The following FOXN3 variants were observed in gnomAD, a reference collection of about 807,000 sequenced individuals.
FOXN3 encodes forkhead box protein N3.
Under a neutral mutation model 38.4 loss-of-function variants are expected in FOXN3, and 7 were observed. That is an observed-to-expected ratio of 0.18 (90% CI 0.10 to 0.34). FOXN3 has a LOEUF of 0.34. Ranked by LOEUF, FOXN3 falls within the 10% of genes least tolerant of loss-of-function variation. The pLI is 1.00. For missense variants in FOXN3, 456 were observed against 613.4 expected (o/e 0.74, Z 2.71); for synonymous variants, 230 against 242.2 (o/e 0.95, Z 0.47).
At chr14:89,218,940 C>G (rs925086561) in intron 4 of FOXN3, among the ~76,000 whole-genome samples, 2 of 152,234 alleles carry the variant, frequency 1.3e-5, no homozygotes, top group Admixed American at 6.5e-5. Flanking sequence ...CCCGCTAAGA[C>G]TTTCCCTAAC....
intron 5 of FOXN3, among the ~76,000 whole-genome samples, chr14:89,177,537 A>G (rs1383151805): frequency 6.6e-6 from 1 of 150,932 alleles, no homozygotes; most frequent in Non-Finnish European, 1.5e-5. Flanking sequence ...CTGTTTCCCA[A>G]ACTGGGGCTG....
chr14:89,419,061 G>C, upstream of FOXN3: 1 of 448,970 alleles, frequency 2.2e-6, no homozygotes, highest in Non-Finnish European at 4.5e-6. Flanking sequence ...AAGAGGGGAT[G>C]TGAGCCAAAG....
At chr14:89,549,273 T>TAA (rs11307365) in intron 1 of FOXN3, among the ~76,000 whole-genome samples, 13 of 133,408 alleles carry the variant, frequency 9.7e-5, no homozygotes, top group African/African-American at 2.2e-4. Flanking sequence ...TCCTTATCTG[T>TAA]AAAAAAAAAA....
At chr14:89,226,188 A>AG in intron 4 of FOXN3, among the ~76,000 whole-genome samples, 1 of 151,268 alleles carries the variant, frequency 6.6e-6, no homozygotes, top group Non-Finnish European at 1.5e-5. Flanking sequence ...AAAAAAAAAA[A>AG]AGGAGGGACA....
intron 2 of FOXN3, among the ~76,000 whole-genome samples, chr14:89,378,507 C>T (rs1239321196): frequency 6.6e-6 from 1 of 152,086 alleles, no homozygotes; most frequent in African/African-American, 2.4e-5. Context: ...TGAGCAGAAA[C>T]GTTTCAAATA....
At position 89,158,881 on chromosome 14, in the gene FOXN3, G is replaced by C. The variant is rs113273778; in HGVS notation, c.*3533C>G. The C allele has an allele frequency of 9.1e-3, 1,132 of 124,700 alleles. 4 individuals carry two copies. Among genetic ancestry groups the C allele is most frequent in the Non-Finnish European group, 0.012 (718 of 61,464 alleles). 7.7% of individuals were successfully genotyped at this position (124,700 alleles called of 1,614,324 possible). ...CCCGTTTCCCCCTCCCCCCTGCCCC[G>C]TGTGAGTATGTGAGATACTGGAATG... On this transcript the variant is annotated 3_prime_UTR_variant, in exon 6 of 6. Transcript: ENST00000557258.
intron 1 of FOXN3, among the ~76,000 whole-genome samples, chr14:89,475,327 TA>T (rs1167201649): frequency 6.6e-6 from 1 of 152,172 alleles, no homozygotes; most frequent in Admixed American, 6.5e-5. Context: ...GTGGTAATAA[TA>T]GGCCATCTCT....
intron 1 of FOXN3, among the ~76,000 whole-genome samples, chr14:89,596,417 G>A (rs567205140): frequency 1.9e-4 from 29 of 152,260 alleles, no homozygotes; most frequent in Middle Eastern, 3.4e-3. Flanking sequence ...GATTACAGGC[G>A]TGAGACACTG....
chr14:89,478,874 G>A (rs1360925677), intron 1 of FOXN3, among the ~76,000 whole-genome samples: 1 of 126,514 alleles, frequency 7.9e-6, no homozygotes, highest in African/African-American at 2.9e-5. Flanking sequence ...GGAGGTTGCA[G>A]TGAGCCAAGA....
At chr14:89,510,633 A>G (rs968641726) in intron 1 of FOXN3, among the ~76,000 whole-genome samples, 1 of 152,122 alleles carries the variant, frequency 6.6e-6, no homozygotes, top group Non-Finnish European at 1.5e-5. Context: ...GTCAGAGTTC[A>G]GAGACTGTAG....
chr14:89,317,924 T>C (rs1294408564), intron 3 of FOXN3, among the ~76,000 whole-genome samples: 1 of 149,156 alleles, frequency 6.7e-6, no homozygotes, highest in Non-Finnish European at 1.5e-5. Context: ...TGCGCGCTCC[T>C]TATGGGAATC....
chr14:89,325,313 C>CCAT (rs1888035539), intron 3 of FOXN3, among the ~76,000 whole-genome samples: 1 of 126,128 alleles, frequency 7.9e-6, no homozygotes, highest in Admixed American at 7.7e-5. Flanking sequence ...ACCACCACCA[C>CCAT]GACCACCACC....
intron 1 of FOXN3, among the ~76,000 whole-genome samples, chr14:89,487,421 A>G (rs1893472308): frequency 2.0e-5 from 3 of 152,188 alleles, no homozygotes; most frequent in Admixed American, 6.5e-5. Context: ...CAGCATCAAT[A>G]TTGACTGACA....
At chr14:89,494,895 G>A (rs1030565672) in intron 1 of FOXN3, among the ~76,000 whole-genome samples, 1 of 152,184 alleles carries the variant, frequency 6.6e-6, no homozygotes, top group East Asian at 1.9e-4. Context: ...ATTCAGAAAG[G>A]AATTGTGATT....
rs140963827 is a variant in FOXN3, at chr14:89,292,494, G to C, written c.681-11480C>G. Among the ~76,000 whole-genome samples, 92 of 152,306 alleles carry C rather than the reference G, an allele frequency of 6.0e-4. 1 individual carries two copies. The East Asian group carries it at 0.015, about 26-fold the overall frequency. On this transcript the variant is annotated intron_variant, in intron 3 of 5. Coordinates refer to ENST00000557258, the MANE Select transcript of FOXN3 (RefSeq NM_005197.4). Reference sequence around the variant, plus strand: ...GGTGTTGCCAAGGTGATAGTGTTAAGAGGTAGGGCCTTTAAAAGGTGATTA... The same window carrying C: ...GGTGTTGCCAAGGTGATAGTGTTAACAGGTAGGGCCTTTAAAAGGTGATTA...
intron 2 of FOXN3, among the ~76,000 whole-genome samples, chr14:89,377,872 T>A (rs1890529894): frequency 6.6e-6 from 1 of 152,200 alleles, no homozygotes; most frequent in Non-Finnish European, 1.5e-5. Context: ...GGGTGACCCC[T>A]AATCCACTAT....
At chr14:89,456,062 C>T (rs913651197) in intron 1 of FOXN3, among the ~76,000 whole-genome samples, 1 of 151,980 alleles carries the variant, frequency 6.6e-6, no homozygotes, top group East Asian at 1.9e-4. Flanking sequence ...GGCATGGTGG[C>T]GGATGCCTGT....
At chr14:89,611,805 CAAAAAAAA>C (rs56373132) in intron 1 of FOXN3, among the ~76,000 whole-genome samples, 7 of 89,294 alleles carry the variant, frequency 7.8e-5, no homozygotes, top group Admixed American at 1.0e-4. Flanking sequence ...GACTCCGTCT[CAAAAAAAA>C]AAAAAAAAAA....
chr14:89,232,188 C>A (rs541111724), intron 4 of FOXN3, among the ~76,000 whole-genome samples: 9 of 152,344 alleles, frequency 5.9e-5, no homozygotes, highest in Admixed American at 5.9e-4. Flanking sequence ...GTAACCTGGG[C>A]AGAACCCAGA....
Sources: gnomAD v4.1 joint callset for allele counts (sites outside exome capture counted in the v4.1 genomes callset) on GRCh38, gnomAD v4.1.1 for gene constraint, MANE v1.5 for transcripts, NCBI Gene and HGNC (gene_info 2026-07-23, HGNC 2026-07-21) for gene names.